The following EPHA4 variants were observed in gnomAD, a reference collection of about 807,000 sequenced individuals.
EPHA4 encodes ephrin type-A receptor 4.
In EPHA4, 19 loss-of-function variants were observed where a neutral mutation model predicts 108.3. The ratio of observed to expected loss-of-function variants is 0.18; its 90% confidence interval spans 0.12 to 0.26. The LOEUF (loss-of-function observed/expected upper bound fraction) is 0.26. Among genes scored for constraint, EPHA4 ranks in the 10% least tolerant of loss-of-function variants. EPHA4 has a pLI of 1.00. For missense variants in EPHA4, 917 were observed against 1,254.0 expected (o/e 0.73, Z 4.06); for synonymous variants, 449 against 455.5 (o/e 0.99, Z 0.18).
chr2:221,437,409 T>C (rs1690274533), intron 11 of EPHA4: 1 of 278,974 alleles, frequency 3.6e-6, no homozygotes, highest in South Asian at 1.2e-4. Context: ...GGATAATTGC[T>C]CTCTCAAGCA....
At chr2:221,450,923 C>A (rs1227176420) in intron 8 of EPHA4, among the ~76,000 whole-genome samples, 1 of 152,074 alleles carries the variant, frequency 6.6e-6, no homozygotes, top group Non-Finnish European at 1.5e-5. Context: ...TAATAAAATA[C>A]TGTTTTGGGG....
rs75150802 is a variant in EPHA4, at chr2:221,508,051, C to T, written c.824-6879G>A. On this transcript the variant is annotated intron_variant, in intron 3 of 17. Transcript: ENST00000281821. ...TTATATACTCCCAGGCAAAATGTGT[C>T]CCTGGACCCGATGACAACATTGCTG... Among the ~76,000 whole-genome samples the T allele has an allele frequency of 4.1e-3, 623 of 152,242 alleles. 1 individual carries two copies. The highest frequency in any genetic ancestry group is 6.8e-3 in the Non-Finnish European group (460 of 68,016).
chr2:221,560,873 C>A (rs1169418595), intron 3 of EPHA4, among the ~76,000 whole-genome samples: 2 of 152,162 alleles, frequency 1.3e-5, no homozygotes, highest in Non-Finnish European at 2.9e-5. Context: ...ACTCTTGATG[C>A]CTATCATGAT....
At chr2:221,516,341 T>C (rs1206285550) in intron 3 of EPHA4, among the ~76,000 whole-genome samples, 2 of 149,982 alleles carry the variant, frequency 1.3e-5, no homozygotes, top group South Asian at 2.1e-4. Flanking sequence ...CATGATCTGA[T>C]AGATTCAATG....
intron 15 of EPHA4, among the ~76,000 whole-genome samples, chr2:221,428,799 G>A (rs541000957): frequency 6.6e-6 from 1 of 152,350 alleles, no homozygotes; most frequent in South Asian, 2.1e-4. Context: ...TTTGAAAAGA[G>A]CTGGATAGAC....
chr2:221,444,969 G>T (rs1690547881), intron 9 of EPHA4, among the ~76,000 whole-genome samples: 1 of 151,896 alleles, frequency 6.6e-6, no homozygotes, highest in African/African-American at 2.4e-5. Context: ...TGTTGGCTAG[G>T]CTGGTCTCGA....
intron 11 of EPHA4, among the ~76,000 whole-genome samples, chr2:221,440,308 C>CA (rs776898636): frequency 2.0e-5 from 3 of 151,704 alleles, no homozygotes; most frequent in Non-Finnish European, 2.9e-5. Flanking sequence ...GACTTTAATA[C>CA]AAAGATCCCC....
intron 8 of EPHA4, among the ~76,000 whole-genome samples, chr2:221,449,986 G>A (rs185245873): frequency 1.3e-3 from 196 of 152,288 alleles, no homozygotes; most frequent in Non-Finnish European, 2.3e-3. Flanking sequence ...TTCTTGCACC[G>A]AATGATGTCT....
At chr2:221,424,001 C>T (rs951840166) in intron 17 of EPHA4, among the ~76,000 whole-genome samples, 1 of 151,984 alleles carries the variant, frequency 6.6e-6, no homozygotes, top group Non-Finnish European at 1.5e-5. Flanking sequence ...CCTGTAATCC[C>T]AGCTACTTGG....
rs750352319 is a variant in EPHA4 at position 221,572,183 on chromosome 2, A to G, written c.66T>C (p.Gly22=). The G allele has an allele frequency of 3.1e-6, 5 of 1,613,996 alleles. No individual in the cohort carries two copies. Among genetic ancestry groups the G allele is most frequent in the South Asian group, 1.1e-5 (1 of 91,094 alleles). ...CTTCATTCGCGGGGTATACCCTGGA[A>G]CCTGTGACAGCGTCGCAAATCCCGA... ...CLFGICDAVT[G]SRVYPANEVT... The change falls in exon 1 of 18, where the codon GGT becomes GGC. Residue 22 remains glycine (G), a synonymous_variant. Transcript: ENST00000281821.
At chr2:221,567,251 A>C (rs1011231250) in intron 2 of EPHA4, among the ~76,000 whole-genome samples, 2 of 152,172 alleles carry the variant, frequency 1.3e-5, no homozygotes, top group Non-Finnish European at 2.9e-5. Flanking sequence ...TTCCATCCTT[A>C]ATTTTACCAG....
intron 4 of EPHA4, among the ~76,000 whole-genome samples, chr2:221,489,304 A>C (rs1692072383): frequency 6.6e-6 from 1 of 152,246 alleles, no homozygotes; most frequent in South Asian, 2.1e-4. Flanking sequence ...ATATATGTGG[A>C]TATACGGTGT....
rs754661415 is a variant in EPHA4, at chr2:221,434,170, C to G, written c.2468G>C (p.Arg823Thr). Residue 823 changes from arginine to threonine, a missense_variant, in exon 14 of 18, where the codon AGG (arginine) becomes ACG (threonine). Physicochemically the swap from Arg to Thr is moderately conservative, Grantham distance 71. Coordinates refer to ENST00000281821, the MANE Select transcript of EPHA4 (RefSeq NM_004438.5). ...TTGATTGGACATATCCCAATAGGGC[C>G]TCTCCCCGTACGACATCACTTCCCA... ...VMWEVMSYGE[R>T]PYWDMSNQDV... 3.1e-6 allele frequency: 5 copies of G among 1,613,654 alleles called. No homozygotes were observed. The African/African-American group carries it at 6.7e-5, about 22-fold the overall frequency.
At chr2:221,522,760 TATTATTA>T (rs1242153935) in intron 3 of EPHA4, among the ~76,000 whole-genome samples, 6 of 133,208 alleles carry the variant, frequency 4.5e-5, no homozygotes, top group South Asian at 2.5e-4. Context: ...TTATTATTAT[TATTATTA>T]TTATTATTTT....
chr2:221,567,607 G>A (rs1403913212), intron 2 of EPHA4, among the ~76,000 whole-genome samples: 2 of 152,114 alleles, frequency 1.3e-5, no homozygotes, highest in Non-Finnish European at 2.9e-5. Context: ...TATTTCAGGT[G>A]GATTACAAAA....
chr2:221,445,760 T>C (rs1690575233), intron 9 of EPHA4, among the ~76,000 whole-genome samples: 1 of 152,146 alleles, frequency 6.6e-6, no homozygotes, highest in Non-Finnish European at 1.5e-5. Context: ...GCAATTACTG[T>C]TACATTTCTT....
chr2:221,422,622 G>A (rs976949044), intron 17 of EPHA4, among the ~76,000 whole-genome samples: 1 of 152,218 alleles, frequency 6.6e-6, no homozygotes, highest in Non-Finnish European at 1.5e-5. Context: ...CGAGTTGAGT[G>A]AAATAAGCCT....
In EPHA4 at chr2:221,488,356, A is replaced by G. The variant is rs559315863; in HGVS notation, c.980-5666T>C. Among the ~76,000 whole-genome samples, 127 of 152,318 alleles carry G rather than the reference A, an allele frequency of 8.3e-4. 1 individual carries two copies. The highest frequency in any genetic ancestry group is 3.0e-3 in the African/African-American group (124 of 41,568). ...GAACCCCTGATTAACCTATGTATATAGCCCAGGTGACAACTCTGGCTGCTA... is the reference window on the plus strand; with the variant it reads ...GAACCCCTGATTAACCTATGTATATGGCCCAGGTGACAACTCTGGCTGCTA... On this transcript the variant is annotated intron_variant, in intron 4 of 17. Coordinates refer to ENST00000281821, the MANE Select transcript of EPHA4 (RefSeq NM_004438.5).
At chr2:221,436,274 G>T in intron 13 of EPHA4, 125 bp downstream of exon 13, 1 of 795,258 alleles carries the variant, frequency 1.3e-6, no homozygotes, top group Non-Finnish European at 1.9e-6. Flanking sequence ...GCAGGAATAT[G>T]AGGAGGCTTC....
Sources: gnomAD v4.1 joint callset for allele counts (sites outside exome capture counted in the v4.1 genomes callset) on GRCh38, gnomAD v4.1.1 for gene constraint, MANE v1.5 for transcripts, NCBI Gene and HGNC (gene_info 2026-07-23, HGNC 2026-07-21) for gene names.